The following URI1 variants were observed in gnomAD, a reference collection of about 807,000 sequenced individuals.
URI1 encodes URI1 prefoldin like chaperone.
URI1 carries 39 observed loss-of-function variants against 60.2 expected under a neutral mutation model. The observed-to-expected ratio is 0.65, with a 90% CI of 0.50 to 0.85. The LOEUF (loss-of-function observed/expected upper bound fraction) is 0.85. Ranked by LOEUF, URI1 falls within the 40% of genes least tolerant of loss-of-function variation. The pLI, the probability that URI1 is intolerant of heterozygous loss-of-function variation, is 0.00. For missense variants in URI1, 691 were observed against 665.9 expected, an observed-to-expected ratio of 1.04 and a Z score of -0.42; for synonymous variants, 251 against 236.8, an observed-to-expected ratio of 1.06 and a Z score of -0.55.
At chr19:29,939,400 G>A (rs911419866), upstream of URI1, among the ~76,000 whole-genome samples, 4 of 151,380 alleles carry the variant, frequency 2.6e-5, no homozygotes, top group African/African-American at 9.7e-5. Flanking sequence ...TCAGCCTCCC[G>A]AGTAGCTGGG....
chr19:29,986,363 T>A lies in URI1; in HGVS notation c.313T>A (p.Phe105Ile), dbSNP rs777834835. 1 of 1,610,546 alleles carries A rather than the reference T, an allele frequency of 6.2e-7. No homozygotes were observed. Among genetic ancestry groups the A allele is most frequent in the Non-Finnish European group, 8.5e-7 (1 of 1,179,420 alleles). ...EVTVLLGDNW[F>I]AKCSAKQAVG... ...CACTGTTTTACTGGGGGACAACTGG[T>A]TTGCAAAGTGCTCAGCAAAGCAGGC... Residue 105 changes from phenylalanine to isoleucine, a missense_variant, in exon 4 of 11, where the codon TTT (phenylalanine) becomes ATT (isoleucine). Phe to Ile is a conservative substitution (Grantham distance 21). Coordinates refer to ENST00000392271, the MANE Select transcript of URI1 (RefSeq NM_003796.3).
chr19:30,006,295 T>TA (rs1435296303), intron 6 of URI1, among the ~76,000 whole-genome samples: 2 of 152,088 alleles, frequency 1.3e-5, no homozygotes, highest in Non-Finnish European at 2.9e-5. Context: ...AGTGAAATTG[T>TA]AAAAAGTATT....
Position 29,942,556 on chromosome 19 carries a change from G to A in URI1, c.9G>A (p.Ala3=). ...AGGCCCGCGGGCCCGTCATGGAGGC[G>A]CCCACCGTGGAGACGCCCCCCGACC... is the stretch of plus-strand genomic sequence containing the variant. ME[A]PTVETPPDPS... Residue 3 remains alanine (A), a synonymous_variant, in exon 1 of 11, where the codon GCG becomes GCA. Coordinates refer to ENST00000392271, the MANE Select transcript of URI1 (RefSeq NM_003796.3). The A allele has an allele frequency of 1.4e-6, 2 of 1,414,102 alleles. No homozygotes were observed. Among genetic ancestry groups the A allele is most frequent in the Non-Finnish European group, 9.2e-7 (1 of 1,084,616 alleles). 87.6% of individuals were successfully genotyped at this position (1,414,102 alleles called of 1,614,324 possible).
chr19:30,009,069 C>A lies in URI1; in HGVS notation c.751C>A (p.Arg251Ser), dbSNP rs373823921. The A allele has an allele frequency of 1.9e-6, 3 of 1,613,666 alleles. No homozygotes were observed. The highest frequency in any genetic ancestry group is 1.3e-5 in the African/African-American group (1 of 74,882). The part of the protein sequence containing the change: ...TTSSEEEKED[R>S]NTNVNAMHQV... The stretch of plus-strand genomic sequence containing the variant: ...ATCTTCTGAAGAGGAAAAGGAAGAT[C>A]GTAACACAAATGTGAATGCGATGCA... Residue 251 changes from arginine to serine, a missense_variant, in exon 8 of 11, where the codon CGT (arginine) becomes AGT (serine). Transcript: ENST00000392271.
At chr19:29,971,273 T>C in intron 2 of URI1, 46 bp downstream of exon 2, 1 of 1,591,440 alleles carries the variant, frequency 6.3e-7, no homozygotes, top group Non-Finnish European at 8.6e-7. Flanking sequence ...ACTGATGGGG[T>C]AACCTACTTG....
intron 1 of URI1, among the ~76,000 whole-genome samples, chr19:29,951,764 T>C (rs1307992606): frequency 6.6e-6 from 1 of 152,140 alleles, no homozygotes; most frequent in Non-Finnish European, 1.5e-5. Flanking sequence ...GCCAGGCTGG[T>C]CTCGATCTCC....
Position 29,971,206 on chromosome 19 carries a change from G to A in URI1, c.131G>A (p.Cys44Tyr), listed in dbSNP as rs755338534. 6.2e-7 allele frequency: 1 copy of A among 1,613,270 alleles called. No homozygotes were observed. Among genetic ancestry groups the A allele is most frequent in the Non-Finnish European group, 8.5e-7 (1 of 1,179,438 alleles). The change falls in exon 2 of 11, where the codon TGC (cysteine) becomes TAC (tyrosine). Residue 44 changes from cysteine (C) to tyrosine (Y), a missense_variant. By Grantham distance (194) the Cys-to-Tyr change is radical (BLOSUM62 -2). Coordinates refer to ENST00000392271, the MANE Select transcript of URI1 (RefSeq NM_003796.3). Reference sequence around the variant, plus strand: ...TTTTCATGACAGGTGGTCACTAACTGCCAAGAGAGAATCCAGCATTGGTGA... The same window carrying A: ...TTTTCATGACAGGTGGTCACTAACTACCAAGAGAGAATCCAGCATTGGTGA... ...REEQEKVVTN[C>Y]QERIQHWKKV... is the part of the protein sequence containing the mutation.
At chr19:29,962,437 T>G in intron 1 of URI1, among the ~76,000 whole-genome samples, 1 of 142,918 alleles carries the variant, frequency 7.0e-6, no homozygotes, top group South Asian at 2.3e-4. Context: ...TCCTTTTCAC[T>G]AAGTAAGTCT....
At chr19:29,970,941 C>T (rs888301495) in intron 1 of URI1, among the ~76,000 whole-genome samples, 4 of 151,972 alleles carry the variant, frequency 2.6e-5, no homozygotes, top group African/African-American at 7.2e-5. Context: ...AGTTATGAAG[C>T]GGGTTTTGTA....
At chr19:29,976,730 G>A (rs2055527337) in intron 2 of URI1, among the ~76,000 whole-genome samples, 1 of 152,110 alleles carries the variant, frequency 6.6e-6, no homozygotes, top group Non-Finnish European at 1.5e-5. Flanking sequence ...CTTTATGTTA[G>A]GCATTACTTA....
chr19:29,948,490 A>G (rs1337994969), intron 1 of URI1, among the ~76,000 whole-genome samples: 3 of 152,204 alleles, frequency 2.0e-5, no homozygotes, highest in East Asian at 1.9e-4. Context: ...ATGGTAATTT[A>G]TTGAAAAGAG....
chr19:29,949,270 C>T (rs1255599721), intron 1 of URI1, among the ~76,000 whole-genome samples: 5 of 150,198 alleles, frequency 3.3e-5, no homozygotes, highest in African/African-American at 9.8e-5. Flanking sequence ...ATCTCCCAGA[C>T]GGGGTCGTGG....
At chr19:30,008,859 A>AT (rs1190735379) in intron 7 of URI1, 146 bp from the exon 8 acceptor site, 4 of 669,476 alleles carry the variant, frequency 6.0e-6, no homozygotes, top group South Asian at 2.5e-5. Context: ...ATTTCAAAAC[A>AT]TTTTTTTGTT....
chr19:29,972,063 TGA>T (rs980923609), intron 2 of URI1, among the ~76,000 whole-genome samples: 1 of 152,084 alleles, frequency 6.6e-6, no homozygotes, highest in African/African-American at 2.4e-5. Context: ...TCTTCATGCC[TGA>T]GAGATCTCCA....
intron 1 of URI1, among the ~76,000 whole-genome samples, chr19:29,963,770 G>C (rs1344955068): frequency 6.6e-6 from 1 of 152,138 alleles, no homozygotes; most frequent in Non-Finnish European, 1.5e-5. Flanking sequence ...ACCTTACTCC[G>C]GGCAGGTGCT....
At chr19:29,964,459 G>GTTTTTTTTTTTTTTTTTTTTT (rs202018051) in intron 1 of URI1, among the ~76,000 whole-genome samples, 1 of 133,350 alleles carries the variant, frequency 7.5e-6, no homozygotes, top group Non-Finnish European at 1.6e-5. Flanking sequence ...TTTGTTTTTT[G>GTTTTTTTTTTTTTTTTTTTTT]TTTTGTTTTT....
chr19:30,007,406 G>A (rs1465266508), intron 6 of URI1, 64 bp from the exon 7 acceptor site: 1 of 1,554,532 alleles, frequency 6.4e-7, no homozygotes, highest in Non-Finnish European at 8.7e-7. Flanking sequence ...GTCTCATTAA[G>A]TCTGGGTTTG....
chr19:29,998,823 T>A (rs1160139392), intron 4 of URI1, among the ~76,000 whole-genome samples: 1 of 152,088 alleles, frequency 6.6e-6, no homozygotes. Context: ...TAATTACTGA[T>A]GGGGGAAAGA....
At chr19:29,955,624 T>C (rs1184805582) in intron 1 of URI1, among the ~76,000 whole-genome samples, 2 of 151,810 alleles carry the variant, frequency 1.3e-5, no homozygotes, top group Non-Finnish European at 2.9e-5. Flanking sequence ...TCCTGTGATC[T>C]TCATTGCCAT....
Sources: allele counts gnomAD v4.1 joint callset (sites outside exome capture counted in the v4.1 genomes callset), GRCh38; gene constraint gnomAD v4.1.1; transcripts MANE v1.5; gene names NCBI Gene and HGNC (gene_info 2026-07-23, HGNC 2026-07-21).